The following BMS1 variants were observed in gnomAD, a reference collection of about 807,000 sequenced individuals.
BMS1 encodes the protein ribosome biogenesis protein BMS1 homolog.
A neutral mutation model predicts 138.7 loss-of-function variants in BMS1; 53 were observed. The ratio of observed to expected loss-of-function variants is 0.38; its 90% CI spans 0.31 to 0.48. BMS1 has a LOEUF of 0.48. BMS1 is among the 20% of genes least tolerant of loss of function. The pLI is 0.97. For missense variants in BMS1, 1,360 were observed against 1,565.5 expected (o/e 0.87, Z 2.22); for synonymous variants, 504 against 539.9 (o/e 0.93, Z 0.92).
chr10:42,832,708 G>A lies in BMS1; in HGVS notation c.*1612G>A, dbSNP rs1842822231. 6.6e-6 allele frequency: 1 copy of A among 152,000 alleles called. No homozygotes were observed. The highest frequency in any genetic ancestry group is 2.4e-5 in the African/African-American group (1 of 41,368). The allele number at this position is 152,000 out of a possible 1,614,324, so 9.4% of individuals were successfully genotyped here. On this transcript the variant is annotated 3_prime_UTR_variant, in exon 23 of 23. Coordinates refer to ENST00000374518, the MANE Select transcript of BMS1 (RefSeq NM_014753.4). ...GAAGAGGATGTGAGGATCCTGTCAG[G>A]GCTAGGTCCACCTGGGAAGTGACAA...
intron 2 of BMS1, among the ~76,000 whole-genome samples, chr10:42,785,164 G>T (rs1421822707): frequency 2.0e-5 from 3 of 152,174 alleles, no homozygotes; most frequent in Non-Finnish European, 4.4e-5. Context: ...TTACCTTTTG[G>T]TTTTTTAAAA....
At chr10:42,811,851 C>T (rs1842195775) in intron 13 of BMS1, among the ~76,000 whole-genome samples, 1 of 152,128 alleles carries the variant, frequency 6.6e-6, no homozygotes, top group South Asian at 2.1e-4. Context: ...ATTCATATTT[C>T]CTTTGGGACT....
chr10:42,817,175 T>G (rs904353878), intron 14 of BMS1, 143 bp from the exon 15 acceptor site: 11 of 675,726 alleles, frequency 1.6e-5, no homozygotes, highest in Non-Finnish European at 2.5e-5. Flanking sequence ...AGACAAAGGT[T>G]GTGTTGTGTT....
At chr10:42,819,421 A>G (rs1842439230) in intron 15 of BMS1, among the ~76,000 whole-genome samples, 1 of 152,222 alleles carries the variant, frequency 6.6e-6, no homozygotes, top group South Asian at 2.1e-4. Context: ...TGTAATTGTA[A>G]TTAATTTTAA....
intron 17 of BMS1, 113 bp downstream of exon 17, chr10:42,820,801 T>G: frequency 7.2e-7 from 1 of 1,396,038 alleles, no homozygotes; most frequent in Non-Finnish European, 9.9e-7. Flanking sequence ...TTTTTCTCTT[T>G]TCTGGGAGCG....
intron 8 of BMS1, 99 bp from the exon 9 acceptor site, chr10:42,793,753 G>A (rs1841585710): frequency 7.3e-7 from 1 of 1,374,398 alleles, no homozygotes. Flanking sequence ...AGGTTCTTAG[G>A]AAATGTGTCT....
intron 13 of BMS1, among the ~76,000 whole-genome samples, chr10:42,815,376 T>TA (rs59581714): frequency 1.3e-5 from 2 of 152,188 alleles, no homozygotes; most frequent in Non-Finnish European, 2.9e-5. Flanking sequence ...TCTTCTTTTT[T>TA]AAAAAAATAA....
At chr10:42,824,280 A>G (rs1842580706) in intron 21 of BMS1, among the ~76,000 whole-genome samples, 1 of 152,172 alleles carries the variant, frequency 6.6e-6, no homozygotes, top group Non-Finnish European at 1.5e-5. Flanking sequence ...TTTAATATAC[A>G]TCTCCCCATT....
In BMS1 at chr10:42,798,615, A is replaced by C. The variant is rs939125537; in HGVS notation, c.2237A>C (p.Asp746Ala). ...CTTGTGGAGGCCCCCCATGACTGGG[A>C]TTTAGAGGAGGTAAGTCTGGGTAGT... ...RFLVEAPHDW[D>A]LEEVMNSIRD... Residue 746 changes from aspartate to alanine, a missense_variant, in exon 12 of 23, where the codon GAT (aspartate) becomes GCT (alanine). This residue lies in a region of BMS1 where 697 missense variants were observed against 686.2 expected (regional missense o/e 1.02). Transcript: ENST00000374518. 1 of 1,614,066 alleles carries C rather than the reference A, an allele frequency of 6.2e-7. No individual in the cohort carries two copies. The highest frequency in any genetic ancestry group is 1.3e-5 in the African/African-American group (1 of 74,926).
Position 42,784,347 on chromosome 10 carries a change from C to T in BMS1, c.-33-15C>T, listed in dbSNP as rs1403805739. 25 of 1,530,628 alleles carry T rather than the reference C, an allele frequency of 1.6e-5. No individual in the cohort carries two copies. The Admixed American group carries it at 2.2e-4, about 13-fold the overall frequency. 94.8% of individuals were successfully genotyped at this position (1,530,628 alleles called of 1,614,324 possible). A position where few individuals can be genotyped will look rare whatever the true frequency, so the allele number is the denominator to read the frequency against. On this transcript the variant is annotated splice_polypyrimidine_tract_variant and intron_variant, in intron 1 of 22. Transcript: ENST00000374518. The stretch of plus-strand genomic sequence containing the variant: ...TGCTTCTCCCATCTCCTTACCCCAA[C>T]CTTCTTCCTTGTAGGTTAGAGTTAC...
rs759014042 is a variant in BMS1, at chr10:42,823,169, C to T, written c.3184C>T (p.Arg1062Ter). ...GGCCAAATTTGAAGGTGCTGTGATTCGAACAGTCAGTGGGATAAGGGGGCA... is the reference window on the plus strand; with the variant it reads ...GGCCAAATTTGAAGGTGCTGTGATTTGAACAGTCAGTGGGATAAGGGGGCA... ...EVAKFEGAVI[R>*]TVSGIRGQIK... The change falls in exon 20 of 23, where the codon CGA becomes TGA. Residue 1062 changes from arginine to a stop codon, truncating the protein, a stop_gained. Transcript: ENST00000374518. LOFTEE classifies it high-confidence loss of function. 1.2e-6 allele frequency: 2 copies of T among 1,608,380 alleles called. No individual in the cohort carries two copies. The highest frequency in any genetic ancestry group is 1.7e-6 in the Non-Finnish European group (2 of 1,178,508).
chr10:42,825,004 T>G (rs1220726577), intron 21 of BMS1, among the ~76,000 whole-genome samples: 1 of 152,104 alleles, frequency 6.6e-6, no homozygotes, highest in Non-Finnish European at 1.5e-5. Context: ...AGGATTGTTT[T>G]TTCTTTTATT....
intron 2 of BMS1, 36 bp downstream of exon 2, chr10:42,784,606 A>G (rs779556431): frequency 7.1e-7 from 1 of 1,415,908 alleles, no homozygotes; most frequent in African/African-American, 3.2e-5. Flanking sequence ...TCTTCCATTG[A>G]TTCTTTTTTT....
chr10:42,783,926 C>G (rs1451345980), intron 1 of BMS1, among the ~76,000 whole-genome samples: 1 of 152,056 alleles, frequency 6.6e-6, no homozygotes, highest in Non-Finnish European at 1.5e-5. Context: ...CAGTTGATAC[C>G]TGGGTCTGAG....
intron 13 of BMS1, among the ~76,000 whole-genome samples, chr10:42,809,649 T>C (rs1842110771): frequency 6.6e-6 from 1 of 152,216 alleles, no homozygotes; most frequent in Non-Finnish European, 1.5e-5. Context: ...GGACTTCCTA[T>C]GTTGTTCCCA....
intron 21 of BMS1, among the ~76,000 whole-genome samples, chr10:42,827,283 G>A (rs1256166369): frequency 3.9e-5 from 6 of 152,058 alleles, no homozygotes; most frequent in Admixed American, 2.0e-4. Context: ...ACACAAGCAG[G>A]GTGAGCCAAA....
At chr10:42,800,975 C>T (rs184474932) in intron 12 of BMS1, among the ~76,000 whole-genome samples, 18 of 152,282 alleles carry the variant, frequency 1.2e-4, no homozygotes, top group Middle Eastern at 3.4e-3. Flanking sequence ...CTTTATCCCA[C>T]CTGTGGCCTG....
intron 21 of BMS1, among the ~76,000 whole-genome samples, chr10:42,825,494 G>A (rs978674143): frequency 6.6e-6 from 1 of 151,382 alleles, no homozygotes; most frequent in African/African-American, 2.4e-5. Context: ...TGGTTTTCAA[G>A]TGTACACATC....
In BMS1 at chr10:42,819,285, T is replaced by A. The variant is rs567870320; in HGVS notation, c.2581-951T>A. Among the ~76,000 whole-genome samples the A allele has an allele frequency of 5.3e-5, 8 of 152,276 alleles. No individual in the cohort carries two copies. The East Asian group carries it at 1.4e-3, about 26-fold the overall frequency. On this transcript the variant is annotated intron_variant, in intron 15 of 22. Coordinates refer to ENST00000374518, the MANE Select transcript of BMS1 (RefSeq NM_014753.4). ...ACAAATATTCTGTGCCTGAGCTGCCTGTAGAACTTTCTGTGATCATCGAGA... is the reference window on the plus strand; with the variant it reads ...ACAAATATTCTGTGCCTGAGCTGCCAGTAGAACTTTCTGTGATCATCGAGA...
Sources: allele counts gnomAD v4.1 joint callset (sites outside exome capture counted in the v4.1 genomes callset), GRCh38; gene constraint gnomAD v4.1.1; regional missense constraint gnomAD v4.1.1; transcripts MANE v1.5; gene names NCBI Gene and HGNC (gene_info 2026-07-23, HGNC 2026-07-21).